PDZD8: variants seen among roughly 807,000 people sequenced by gnomAD.
The protein encoded by PDZD8 is PDZ domain containing 8, also known as PDZ domain-containing protein 8.
PDZD8 carries 14 observed loss-of-function variants against 85.8 expected under a neutral mutation model. The ratio of observed to expected loss-of-function variants is 0.16; its 90% CI spans 0.11 to 0.26. The LOEUF (loss-of-function observed/expected upper bound fraction) is 0.26, where lower values mean the gene tolerates loss of function less well. PDZD8 is among the 10% of genes least tolerant of loss of function. The pLI is 1.00. For synonymous variants in PDZD8, 592 were observed against 568.6 expected, an observed-to-expected ratio of 1.04 and a Z score of -0.59; for missense variants, 1,197 against 1,424.3, an observed-to-expected ratio of 0.84 and a Z score of 2.57.
intron 1 of PDZD8, among the ~76,000 whole-genome samples, chr10:117,370,607 C>T (rs1320355155): frequency 6.6e-6 from 1 of 152,012 alleles, no homozygotes; most frequent in Non-Finnish European, 1.5e-5. Context: ...TTTGGGAGGC[C>T]GAGGTGGGTA....
intron 1 of PDZD8, among the ~76,000 whole-genome samples, chr10:117,344,661 ACAGGCGTGAGCCAC>A (rs548390580): frequency 2.0e-5 from 3 of 152,296 alleles, no homozygotes; most frequent in Admixed American, 6.5e-5. Flanking sequence ...TGCTGGGATT[ACAGGCGTGAGCCAC>A]CACGCCCGGC....
At chr10:117,326,201 A>G (rs901047719) in intron 2 of PDZD8, among the ~76,000 whole-genome samples, 2 of 152,178 alleles carry the variant, frequency 1.3e-5, no homozygotes, top group African/African-American at 2.4e-5. Flanking sequence ...TACACCTCCA[A>G]TATCTGGCTC....
At chr10:117,315,085 TC>T (rs370136812) in intron 3 of PDZD8, among the ~76,000 whole-genome samples, 11 of 152,148 alleles carry the variant, frequency 7.2e-5, no homozygotes, top group African/African-American at 2.7e-4. Context: ...ATTCCCAGAT[TC>T]AGAGGTTCCA....
intron 3 of PDZD8, among the ~76,000 whole-genome samples, chr10:117,294,327 C>CAAAAAAAAAA (rs71013656): frequency 1.2e-3 from 169 of 142,482 alleles, no homozygotes; most frequent in East Asian, 2.0e-3. Context: ...ACCAAAAAGA[C>CAAAAAAAAAA]AAAAAAAAAA....
rs1427137210 is a variant in PDZD8 at position 117,283,821 on chromosome 10, G to A, written c.2912C>T (p.Thr971Ile). ...TDLVEPSPKH[T>I]PNTSDNEGSD... ...GCCTTCGTTGTCTGACGTGTTGGGT[G>A]TGTGTTTTGGTGAAGGTTCTACGAG... Residue 971 changes from threonine to isoleucine, a missense_variant, in exon 5 of 5, where the codon ACA becomes ATA. This residue lies in a region of PDZD8 where 418 missense variants were observed against 571.1 expected (regional missense o/e 0.73). Coordinates refer to ENST00000334464, the MANE Select transcript of PDZD8 (RefSeq NM_173791.5). 5.0e-6 allele frequency: 8 copies of A among 1,614,106 alleles called. No individual in the cohort carries two copies. The highest frequency in any genetic ancestry group is 2.2e-5 in the South Asian group (2 of 91,086).
chr10:117,289,035 T>A (rs1295950121), intron 4 of PDZD8, among the ~76,000 whole-genome samples: 1 of 152,226 alleles, frequency 6.6e-6, no homozygotes, highest in East Asian at 1.9e-4. Context: ...GTCTATTTTA[T>A]GCCTCCCTAA....
At chr10:117,344,684 G>A (rs1282775891) in intron 1 of PDZD8, among the ~76,000 whole-genome samples, 1 of 152,198 alleles carries the variant, frequency 6.6e-6, no homozygotes, top group African/African-American at 2.4e-5. Flanking sequence ...ACCACGCCCG[G>A]CCACTCCATG....
rs1449667255 is a variant in PDZD8 at position 117,279,771 on chromosome 10, A to T, written c.*3497T>A. 2 of 152,134 alleles carry T rather than the reference A, an allele frequency of 1.3e-5. No homozygotes were observed. Among genetic ancestry groups the T allele is most frequent in the South Asian group, 4.1e-4 (2 of 4,832 alleles). The allele number at this position is 152,134 out of a possible 1,614,324, so 9.4% of individuals were successfully genotyped here. A position where few individuals can be genotyped will look rare whatever the true frequency, so the allele number is the denominator to read the frequency against. On this transcript the variant is annotated 3_prime_UTR_variant, in exon 5 of 5. Transcript: ENST00000334464. ...ACTTAATCCCGGGGGAGTTTGTAAAACCGTTGAAATCTGATACATTTTGAA... is the reference window on the plus strand; with the variant it reads ...ACTTAATCCCGGGGGAGTTTGTAAATCCGTTGAAATCTGATACATTTTGAA...
At chr10:117,325,918 T>C (rs1481254557) in intron 2 of PDZD8, among the ~76,000 whole-genome samples, 2 of 152,150 alleles carry the variant, frequency 1.3e-5, no homozygotes, top group African/African-American at 4.8e-5. Flanking sequence ...AATTGGATCG[T>C]GGGGATGGTT....
chr10:117,324,372 C>G (rs1332734397), intron 2 of PDZD8, among the ~76,000 whole-genome samples: 1 of 151,872 alleles, frequency 6.6e-6, no homozygotes, highest in African/African-American at 2.4e-5. Context: ...TAATAGTTAT[C>G]AGTCATGATT....
Position 117,374,931 on chromosome 10 carries a change from G to A in PDZD8, c.297C>T (p.Asn99=). The A allele has an allele frequency of 6.2e-7, 1 of 1,613,266 alleles. No individual in the cohort carries two copies. The highest frequency in any genetic ancestry group is 1.7e-5 in the Admixed American group (1 of 60,024). The change falls in exon 1 of 5, where the codon AAC becomes AAT. Residue 99 remains asparagine, a synonymous_variant. Transcript: ENST00000334464. The surrounding 1 kb of genome is among the most constrained non-coding windows in gnomAD (Gnocchi z 7.8). ...PPTRETCYFL[N]ATILFLFREL... ...CCCGGAACAGGAATAGGATGGTGGCGTTGAGGAAGTAGCAAGTCTCCCGCG... is the reference window on the plus strand; with the variant it reads ...CCCGGAACAGGAATAGGATGGTGGCATTGAGGAAGTAGCAAGTCTCCCGCG...
chr10:117,298,983 C>G (rs943672500), intron 3 of PDZD8, among the ~76,000 whole-genome samples: 1 of 151,992 alleles, frequency 6.6e-6, no homozygotes, highest in Non-Finnish European at 1.5e-5. Context: ...AGGCCTTATG[C>G]AAAATGAGGC....
rs746133593 is a variant in PDZD8, at chr10:117,281,075, A to G, written c.*2193T>C. 1 of 152,264 alleles carries G rather than the reference A, an allele frequency of 6.6e-6. No individual in the cohort carries two copies. Among genetic ancestry groups the G allele is most frequent in the Admixed American group, 6.5e-5 (1 of 15,286 alleles). The allele number at this position is 152,264 out of a possible 1,614,324, so 9.4% of individuals were successfully genotyped here. ...TCTTCTATAGCAGTGTTCTTTTAAA[A>G]TAAGATCACGTGGCCGGGCGTGGTG... On this transcript the variant is annotated 3_prime_UTR_variant, in exon 5 of 5. Transcript: ENST00000334464.
intron 1 of PDZD8, among the ~76,000 whole-genome samples, chr10:117,346,624 C>T: frequency 6.6e-6 from 1 of 151,924 alleles, no homozygotes; most frequent in East Asian, 1.9e-4. Context: ...AGAAGTCAGG[C>T]ATAATATGCA....
chr10:117,326,636 T>C (rs1206336845), intron 2 of PDZD8, among the ~76,000 whole-genome samples: 2 of 149,418 alleles, frequency 1.3e-5, no homozygotes, highest in Non-Finnish European at 3.0e-5. Context: ...ATATACCTAG[T>C]GGTTAACTTT....
intron 3 of PDZD8, among the ~76,000 whole-genome samples, chr10:117,292,578 G>GTT (rs5788222): frequency 3.3e-5 from 5 of 149,354 alleles, no homozygotes; most frequent in African/African-American, 4.9e-5. Flanking sequence ...TTTGGAATGT[G>GTT]TTTTTTTTTT....
intron 2 of PDZD8, among the ~76,000 whole-genome samples, chr10:117,325,391 C>T (rs2803801): frequency 0.77 from 108,230 of 140,158 alleles, 42,493 homozygotes; most frequent in Non-Finnish European, 0.85. Flanking sequence ...ATCAAAAGTT[C>T]CAGAAAAGCC....
chr10:117,365,424 A>G (rs1172551221), intron 1 of PDZD8, among the ~76,000 whole-genome samples: 1 of 152,224 alleles, frequency 6.6e-6, no homozygotes, highest in Non-Finnish European at 1.5e-5. Flanking sequence ...TTAGAAAAAT[A>G]TGGAAGAATA....
Position 117,283,522 on chromosome 10 carries a change from A to T in PDZD8, c.3211T>A (p.Ser1071Thr), listed in dbSNP as rs1167959455. The T allele has an allele frequency of 6.2e-7, 1 of 1,614,136 alleles. No individual in the cohort carries two copies. Among genetic ancestry groups the T allele is most frequent in the Non-Finnish European group, 8.5e-7 (1 of 1,180,034 alleles). Residue 1071 changes from serine to threonine, a missense_variant, in exon 5 of 5, where the codon TCA (serine) becomes ACA (threonine). Coordinates refer to ENST00000334464, the MANE Select transcript of PDZD8 (RefSeq NM_173791.5). ...TTAGCTAAGGCAGCAGAAAGAAGTGATTTTTTCCTTGTATCAGTTGTCTCT... is the reference window on the plus strand; with the variant it reads ...TTAGCTAAGGCAGCAGAAAGAAGTGTTTTTTTCCTTGTATCAGTTGTCTCT... ...EKETTDTRKK[S>T]LLSAALAKSG...
Sources: gnomAD v4.1 joint callset for allele counts (sites outside exome capture counted in the v4.1 genomes callset) on GRCh38, gnomAD v4.1.1 for gene constraint, gnomAD v4.1.1 regional missense constraint, Gnocchi (gnomAD v3.1) non-coding constraint, MANE v1.5 for transcripts, NCBI Gene and HGNC (gene_info 2026-07-23, HGNC 2026-07-21) for gene names.